The following TAB2 variants were observed in gnomAD, a reference collection of about 807,000 sequenced individuals.
TAB2 encodes the protein TGF-beta activated kinase 1 (MAP3K7) binding protein 2.
A neutral mutation model predicts 65.0 loss-of-function variants in TAB2; 3 were observed. The observed-to-expected ratio is 0.05, with a 90% CI of 0.02 to 0.12. The LOEUF (loss-of-function observed/expected upper bound fraction) is 0.12. Among genes scored for constraint, TAB2 ranks in the 10% least tolerant of loss-of-function variants. The probability of loss-of-function intolerance (pLI) is 1.00; values close to 1 mark genes in which losing one functional copy is unlikely to be tolerated. For missense variants in TAB2, 623 were observed against 840.3 expected (o/e 0.74, Z 3.20); for synonymous variants, 298 against 285.1 (o/e 1.05, Z -0.46).
chr6:149,370,880 A>T (rs886615904), intron 2 of TAB2, among the ~76,000 whole-genome samples: 3 of 151,966 alleles, frequency 2.0e-5, no homozygotes, highest in Non-Finnish European at 2.9e-5. Flanking sequence ...AGCCTGGCCA[A>T]CATGGCAAAA....
At chr6:149,372,281 G>C (rs914515124) in intron 2 of TAB2, 1 of 152,068 alleles carries the variant, frequency 6.6e-6, no homozygotes, top group Non-Finnish European at 1.5e-5. Context: ...GACAGAGCAA[G>C]ACAAATAAAT....
intron 1 of TAB2, among the ~76,000 whole-genome samples, chr6:149,250,965 G>A (rs1186794707): frequency 1.3e-5 from 2 of 152,092 alleles, no homozygotes; most frequent in African/African-American, 2.4e-5. Context: ...GCTCACTCAC[G>A]CTTATTTCCA....
chr6:149,311,138 G>T (rs1326100042), intron 1 of TAB2, among the ~76,000 whole-genome samples: 1 of 152,094 alleles, frequency 6.6e-6, no homozygotes, highest in Non-Finnish European at 1.5e-5. Context: ...TCCAAATTTA[G>T]TTCACATTGC....
chr6:149,351,879 G>A (rs1206498432), intron 1 of TAB2, among the ~76,000 whole-genome samples: 4 of 152,096 alleles, frequency 2.6e-5, no homozygotes, highest in Non-Finnish European at 5.9e-5. Context: ...GCAACATTAG[G>A]TTATCTCTGT....
chr6:149,225,274 A>G (rs1222318284), intron 1 of TAB2, among the ~76,000 whole-genome samples: 1 of 152,184 alleles, frequency 6.6e-6, no homozygotes, highest in African/African-American at 2.4e-5. Flanking sequence ...ATCAAAATCC[A>G]TCTGTGTTTG....
At chr6:149,330,921 CAGAT>C (rs1445360206) in intron 1 of TAB2, among the ~76,000 whole-genome samples, 4 of 152,256 alleles carry the variant, frequency 2.6e-5, no homozygotes, top group Admixed American at 1.3e-4. Flanking sequence ...TGTCAAAAAT[CAGAT>C]AGCCGTAATT....
chr6:149,333,366 T>A (rs1779837570), intron 1 of TAB2, among the ~76,000 whole-genome samples: 1 of 152,348 alleles, frequency 6.6e-6, no homozygotes. Context: ...CAAATTCGTC[T>A]AAACTTTGGC....
At chr6:149,403,926 A>G (rs1782572555) in intron 6 of TAB2, among the ~76,000 whole-genome samples, 1 of 152,146 alleles carries the variant, frequency 6.6e-6, no homozygotes. Context: ...AACACTGGGG[A>G]TTACATTTCA....
chr6:149,268,425 G>A (rs1383922209), intron 1 of TAB2, among the ~76,000 whole-genome samples: 3 of 152,170 alleles, frequency 2.0e-5, no homozygotes, highest in Admixed American at 6.5e-5. Context: ...CTACAGAAGA[G>A]GTGAGAATGA....
At chr6:149,374,899 A>G (rs964732803) in intron 2 of TAB2, among the ~76,000 whole-genome samples, 1 of 152,232 alleles carries the variant, frequency 6.6e-6, no homozygotes, top group African/African-American at 2.4e-5. Flanking sequence ...AAAAAATTTT[A>G]AAAGAGGGGA....
At chr6:149,333,755 C>CTATG (rs1779853810) in intron 1 of TAB2, among the ~76,000 whole-genome samples, 1 of 136,222 alleles carries the variant, frequency 7.3e-6, no homozygotes, top group African/African-American at 2.7e-5. Context: ...GTCTATGTGT[C>CTATG]TGTGTGTACA....
chr6:149,274,689 A>T (rs1778421743), intron 1 of TAB2, among the ~76,000 whole-genome samples: 1 of 152,214 alleles, frequency 6.6e-6, no homozygotes, highest in African/African-American at 2.4e-5. Context: ...TTCATTGAAA[A>T]AAGGAAGATC....
At chr6:149,408,508 A>G (rs1218355997) in intron 6 of TAB2, among the ~76,000 whole-genome samples, 1 of 152,170 alleles carries the variant, frequency 6.6e-6, no homozygotes, top group African/African-American at 2.4e-5. Flanking sequence ...ACTTGTTACA[A>G]TAGTCTCTCT....
At chr6:149,219,681 C>A (rs1194061253) in intron 1 of TAB2, among the ~76,000 whole-genome samples, 1 of 152,148 alleles carries the variant, frequency 6.6e-6, no homozygotes, top group African/African-American at 2.4e-5. Context: ...ACCCGCTGCA[C>A]CTTATGCATT....
chr6:149,337,589 G>A (rs1779973008), intron 1 of TAB2, among the ~76,000 whole-genome samples: 2 of 152,190 alleles, frequency 1.3e-5, no homozygotes, highest in East Asian at 1.9e-4. Flanking sequence ...TAGAAAAAAG[G>A]GTCAAACTCT....
At chr6:149,403,005 C>T (rs991138851) in intron 6 of TAB2, among the ~76,000 whole-genome samples, 3 of 151,774 alleles carry the variant, frequency 2.0e-5, no homozygotes, top group Admixed American at 6.6e-5. Context: ...GAGACCGAGG[C>T]GGGTGGGTCA....
intron 1 of TAB2, among the ~76,000 whole-genome samples, chr6:149,323,930 T>C (rs1262436282): frequency 6.6e-6 from 1 of 152,170 alleles, no homozygotes; most frequent in Non-Finnish European, 1.5e-5. Context: ...TTTTTTTCTT[T>C]GCTTTTTTTG....
Position 149,360,448 on chromosome 6 carries a change from C to T in TAB2, c.-89-9461C>T, listed in dbSNP as rs185047575. ...AAGCAAGGGAGGAGGAAGTTTTAAA[C>T]AGCCTGATCTCATGACAACTCAATC... On this transcript the variant is annotated intron_variant, in intron 1 of 6. Transcript: ENST00000637181. 4.6e-5 allele frequency among the ~76,000 whole-genome samples: 7 copies of T among 152,278 alleles called. No homozygotes were observed. The East Asian group carries it at 1.4e-3, about 29-fold the overall frequency.
chr6:149,409,326 A>G (rs1156886798), intron 6 of TAB2, among the ~76,000 whole-genome samples: 1 of 152,158 alleles, frequency 6.6e-6, no homozygotes, highest in Non-Finnish European at 1.5e-5. Context: ...AATTGTAGGT[A>G]ATGATGCTGT....
Sources: gnomAD v4.1 joint callset for allele counts (sites outside exome capture counted in the v4.1 genomes callset) on GRCh38, gnomAD v4.1.1 for gene constraint, MANE v1.5 for transcripts, NCBI Gene and HGNC (gene_info 2026-07-23, HGNC 2026-07-21) for gene names.